Variants in MAST2 observed in about 807,000 individuals in gnomAD.
The protein encoded by MAST2 is microtubule-associated serine/threonine-protein kinase 2.
In MAST2, 70 loss-of-function variants were observed where a neutral mutation model predicts 147.4. The observed-to-expected ratio is 0.47, with a 90% CI of 0.39 to 0.58. MAST2 has a LOEUF of 0.58. Among genes scored for constraint, MAST2 ranks in the 20% least tolerant of loss-of-function variants. The pLI is 0.00. For synonymous variants in MAST2, 869 were observed against 896.8 expected (o/e 0.97, Z 0.55); for missense variants, 2,080 against 2,302.3 (o/e 0.90, Z 1.98).
At chr1:45,997,865 G>A in intron 6 of MAST2, 66 bp downstream of exon 6, 1 of 1,285,316 alleles carries the variant, frequency 7.8e-7, no homozygotes. Flanking sequence ...TTAATTGAAT[G>A]TCAGATTCCT....
rs61544126 is a variant in MAST2, at chr1:45,933,063, T to TAAAAA, written c.501-26302_501-26298dup. On this transcript the variant is annotated intron_variant, in intron 4 of 28. Transcript: ENST00000361297. ...GCAACTTAGTGAGACCCCATTTCTT[T>TAAAAA]AAAAAAAAAAAAAAAAAAAAAAAAA... Among the ~76,000 whole-genome samples the TAAAAA allele has an allele frequency of 1.7e-3, 146 of 88,252 alleles. 1 individual carries two copies. The highest frequency in any genetic ancestry group is 6.3e-3 in the African/African-American group (139 of 21,954). The allele number at this position is 88,252 out of a possible 152,430, so 57.9% of individuals were successfully genotyped here.
rs374457931 is a variant in MAST2, at chr1:46,034,518, C to T, written c.3869-20C>T. On this transcript the variant is annotated intron_variant, in intron 28 of 28. Transcript: ENST00000361297. Reference sequence around the variant, plus strand: ...CACTGCTCTGCTTTTGTCTGTCTGTCTGTCTGTCTCTGTACAAAGTGGGAG... The same window carrying T: ...CACTGCTCTGCTTTTGTCTGTCTGTTTGTCTGTCTCTGTACAAAGTGGGAG... The T allele has an allele frequency of 5.1e-5, 81 of 1,603,352 alleles. No homozygotes were observed. Among genetic ancestry groups the T allele is most frequent in the Non-Finnish European group, 6.8e-5 (80 of 1,173,350 alleles).
intron 4 of MAST2, among the ~76,000 whole-genome samples, chr1:45,929,144 G>C (rs1051499943): frequency 6.6e-6 from 1 of 152,086 alleles, no homozygotes; most frequent in African/African-American, 2.4e-5. Context: ...TTTCTTAGGA[G>C]TTTGCAAAAG....
At chr1:45,808,206 A>G (rs1644195537) in intron 1 of MAST2, among the ~76,000 whole-genome samples, 1 of 152,118 alleles carries the variant, frequency 6.6e-6, no homozygotes, top group African/African-American at 2.4e-5. Flanking sequence ...TTTGTCATCC[A>G]ACATGAAATT....
chr1:45,865,475 C>T (rs1290724828), intron 3 of MAST2, among the ~76,000 whole-genome samples: 2 of 152,138 alleles, frequency 1.3e-5, no homozygotes, highest in Admixed American at 1.3e-4. Flanking sequence ...TTCCTGACCA[C>T]CATGCCTGAT....
intron 5 of MAST2, among the ~76,000 whole-genome samples, chr1:45,996,876 C>A (rs901884614): frequency 2.0e-5 from 3 of 152,130 alleles, no homozygotes; most frequent in Non-Finnish European, 4.4e-5. Context: ...TACCAGGCCC[C>A]TGGGAGGTAA....
intron 4 of MAST2, among the ~76,000 whole-genome samples, chr1:45,903,790 T>C (rs1174172034): frequency 6.6e-6 from 1 of 152,214 alleles, no homozygotes; most frequent in Non-Finnish European, 1.5e-5. Context: ...GAATCGGGTC[T>C]CCATATGAAA....
intron 4 of MAST2, among the ~76,000 whole-genome samples, chr1:45,937,855 C>G (rs192181800): frequency 6.7e-6 from 1 of 149,830 alleles, no homozygotes; most frequent in Non-Finnish European, 1.5e-5. Context: ...ATTGTAATCT[C>G]TTCAGTGTAA....
At chr1:45,942,508 T>G (rs1657447502) in intron 4 of MAST2, among the ~76,000 whole-genome samples, 2 of 152,124 alleles carry the variant, frequency 1.3e-5, no homozygotes, top group African/African-American at 4.8e-5. Flanking sequence ...ACCATTTCAT[T>G]TATTTTTTAT....
intron 3 of MAST2, among the ~76,000 whole-genome samples, chr1:45,875,653 A>C (rs890436408): frequency 1.3e-5 from 2 of 152,060 alleles, no homozygotes; most frequent in African/African-American, 4.8e-5. Flanking sequence ...TGACAGATTA[A>C]AGATAGATAT....
At chr1:45,929,065 G>T (rs751318900) in intron 4 of MAST2, among the ~76,000 whole-genome samples, 3 of 152,020 alleles carry the variant, frequency 2.0e-5, no homozygotes, top group Non-Finnish European at 2.9e-5. Flanking sequence ...GTCAGGAGGC[G>T]GGTAATGTCA....
In MAST2 at chr1:46,006,502, T is replaced by C. The variant is rs189897332; in HGVS notation, c.902+107T>C. 5 of 1,154,128 alleles carry C rather than the reference T, an allele frequency of 4.3e-6. No individual in the cohort carries two copies. The East Asian group carries it at 7.6e-5, about 18-fold the overall frequency. The allele number at this position is 1,154,128 out of a possible 1,614,324, so 71.5% of individuals were successfully genotyped here. A position where few individuals can be genotyped will look rare whatever the true frequency, so the allele number is the denominator to read the frequency against. ...ATAAGGGGCCAAGATAGTAAATATT[T>C]TTAGGCTTTATAGGCCATATATCTC... On this transcript the variant is annotated intron_variant, in intron 8 of 28. Transcript: ENST00000361297.
In MAST2 at chr1:45,842,124, A is replaced by C. The variant is rs148423572; in HGVS notation, c.468+12543A>C. Among the ~76,000 whole-genome samples the C allele has an allele frequency of 1.2e-3, 190 of 152,244 alleles. 2 individuals are homozygous for C. In the East Asian group the frequency reaches 0.014, roughly 11 times the overall value. On this transcript the variant is annotated intron_variant, in intron 3 of 28. Transcript: ENST00000361297. Reference sequence around the variant, plus strand: ...TCTTCTGTGTCGAACTCCCAGGCTCAAGTGATCCACCCGCTTTGGCCTCCC... The same window carrying C: ...TCTTCTGTGTCGAACTCCCAGGCTCCAGTGATCCACCCGCTTTGGCCTCCC...
chr1:45,930,316 T>C (rs1655067887), intron 4 of MAST2, among the ~76,000 whole-genome samples: 1 of 152,076 alleles, frequency 6.6e-6, no homozygotes, highest in South Asian at 2.1e-4. Flanking sequence ...CCTGACCTCA[T>C]GATCTACCCG....
At chr1:46,001,053 GTGGT>G in intron 6 of MAST2, 1 of 1,162,200 alleles carries the variant, frequency 8.6e-7, no homozygotes, top group Non-Finnish European at 1.1e-6. Flanking sequence ...TTGTGATGTT[GTGGT>G]TGGTGAAAAC....
At chr1:45,903,409 CA>C (rs1650138901) in intron 4 of MAST2, among the ~76,000 whole-genome samples, 1 of 152,154 alleles carries the variant, frequency 6.6e-6, no homozygotes, top group South Asian at 2.1e-4. Flanking sequence ...GGATTACAGG[CA>C]TGAGCCACTG....
At position 46,032,584 on chromosome 1, in the gene MAST2, T is replaced by C; in HGVS notation, c.3415-12T>C. ...AGGCTCCAGTCTGAGTACTGTTCTC[T>C]TCCTGGCACAGCACGTGGAGGATGG... is the stretch of plus-strand genomic sequence containing the variant. On this transcript the variant is annotated splice_polypyrimidine_tract_variant and intron_variant, in intron 25 of 28. Transcript: ENST00000361297. 4.3e-6 allele frequency: 7 copies of C among 1,613,604 alleles called. No individual in the cohort carries two copies. The highest frequency in any genetic ancestry group is 5.1e-6 in the Non-Finnish European group (6 of 1,179,696).
intron 26 of MAST2, 108 bp from the exon 27 acceptor site, chr1:46,033,694 C>T: frequency 7.1e-7 from 1 of 1,417,894 alleles, no homozygotes. Flanking sequence ...GGTGCAGGGA[C>T]AAAAAGCTGG....
chr1:46,003,756 C>G (rs995989362), intron 7 of MAST2, among the ~76,000 whole-genome samples: 1 of 152,138 alleles, frequency 6.6e-6, no homozygotes, highest in African/African-American at 2.4e-5. Context: ...CGTGAACTGC[C>G]ACACCCAGCC....
Sources: allele counts gnomAD v4.1 joint callset (sites outside exome capture counted in the v4.1 genomes callset), GRCh38; gene constraint gnomAD v4.1.1; transcripts MANE v1.5; gene names NCBI Gene and HGNC (gene_info 2026-07-23, HGNC 2026-07-21).